Variants in KIDINS220 observed in about 807,000 individuals in gnomAD.
KIDINS220 encodes kinase D-interacting substrate of 220 kDa.
KIDINS220 carries 63 observed loss-of-function variants against 157.6 expected under a neutral mutation model. The ratio of observed to expected loss-of-function variants is 0.40; its 90% confidence interval spans 0.33 to 0.49. The LOEUF (loss-of-function observed/expected upper bound fraction) is 0.49, where lower values mean the gene tolerates loss of function less well. KIDINS220 is among the 20% of genes least tolerant of loss of function. The pLI is 0.66. For missense variants in KIDINS220, 1,772 were observed against 2,171.2 expected, an observed-to-expected ratio of 0.82 and a Z score of 3.65; for synonymous variants, 732 against 783.6, an observed-to-expected ratio of 0.93 and a Z score of 1.10.
At chr2:8,769,196 C>T (rs888901072) in intron 22 of KIDINS220, among the ~76,000 whole-genome samples, 4 of 152,176 alleles carry the variant, frequency 2.6e-5, no homozygotes, top group African/African-American at 9.7e-5. Flanking sequence ...TAGCAAAGTA[C>T]CTGACGTGAA....
In KIDINS220 at chr2:8,729,028, CGCG is replaced by C. The variant is rs1465046988; in HGVS notation, c.*1689_*1691del. On this transcript the variant is annotated 3_prime_UTR_variant, in exon 30 of 30. Transcript: ENST00000256707. ...TAAAGAATGTACTCCAATGATATTA[CGCG>C]GCAACTACTCACCTGAAAAAGAAAA... 3.1e-6 allele frequency: 3 copies of C among 981,704 alleles called. No individual in the cohort carries two copies. The African/African-American group carries it at 5.3e-5, about 17-fold the overall frequency. 60.8% of individuals were successfully genotyped at this position (981,704 alleles called of 1,614,324 possible). A position where few individuals can be genotyped will look rare whatever the true frequency, so the allele number is the denominator to read the frequency against.
In KIDINS220 at chr2:8,733,577, C is replaced by T. The variant is rs2304591; in HGVS notation, c.3920G>A (p.Arg1307His). 250 of 1,613,994 alleles carry T rather than the reference C, an allele frequency of 1.5e-4. 2 individuals carry two copies. In the East Asian group the frequency reaches 5.3e-3, roughly 34 times the overall value. ...GPAPHGEPAR[R>H]ASHNELPHTE... Reference sequence around the variant, plus strand: ...GTGAGGCAGCTCGTTGTGGGAAGCGCGGCGAGCAGGCTCACCGTGCGGGGC... The same window carrying T: ...GTGAGGCAGCTCGTTGTGGGAAGCGTGGCGAGCAGGCTCACCGTGCGGGGC... The change falls in exon 29 of 30, where the codon CGC becomes CAC. Residue 1307 changes from arginine (R) to histidine (H), a missense_variant. Arg to His is a conservative substitution (Grantham distance 29, BLOSUM62 0). Transcript: ENST00000256707.
At chr2:8,728,813 A>G (rs1026104298), downstream of KIDINS220, 3 of 981,256 alleles carry the variant, frequency 3.1e-6, no homozygotes, top group South Asian at 1.4e-4. Context: ...ATGACTGTAC[A>G]TGAACCTGAA....
At chr2:8,793,544 A>C (rs1430542613) in intron 12 of KIDINS220, among the ~76,000 whole-genome samples, 1 of 151,814 alleles carries the variant, frequency 6.6e-6, no homozygotes, top group Non-Finnish European at 1.5e-5. Flanking sequence ...GGCTCAAGAG[A>C]TCCTCCCACC....
chr2:8,735,042 A>G (rs1376924013), intron 27 of KIDINS220, among the ~76,000 whole-genome samples: 2 of 152,186 alleles, frequency 1.3e-5, no homozygotes, highest in African/African-American at 2.4e-5. Flanking sequence ...AGCAACAACA[A>G]AACTGTTAGT....
At chr2:8,757,539 C>T (rs1668165073) in intron 22 of KIDINS220, 2 of 1,459,996 alleles carry the variant, frequency 1.4e-6, no homozygotes, top group African/African-American at 1.4e-5. Context: ...GTTTCAACTA[C>T]CCATTCCGTT....
downstream of KIDINS220, among the ~76,000 whole-genome samples, chr2:8,726,402 C>A (rs1306404025): frequency 6.6e-6 from 1 of 152,196 alleles, no homozygotes; most frequent in Non-Finnish European, 1.5e-5. Context: ...AGGTTTTGAC[C>A]AGGTCGGTGA....
chr2:8,787,461 G>A (rs1343920695), intron 15 of KIDINS220, among the ~76,000 whole-genome samples: 3 of 150,204 alleles, frequency 2.0e-5, no homozygotes, highest in Non-Finnish European at 4.4e-5. Context: ...CTCAACCCCC[G>A]AAGCTTAAGC....
At chr2:8,733,760 A>G in intron 28 of KIDINS220, 80 bp from the exon 29 acceptor site, 1 of 968,908 alleles carries the variant, frequency 1.0e-6, no homozygotes, top group African/African-American at 1.6e-5. Context: ...AATACCAAAC[A>G]TTATAAAGCT....
Position 8,729,644 on chromosome 2 carries a change from G to T in KIDINS220, c.*1076C>A, listed in dbSNP as rs1281916446. 1.0e-6 allele frequency: 1 copy of T among 982,968 alleles called. No homozygotes were observed. Among genetic ancestry groups the T allele is most frequent in the Non-Finnish European group, 1.2e-6 (1 of 827,996 alleles). The allele number at this position is 982,968 out of a possible 1,614,324, so 60.9% of individuals were successfully genotyped here. A position where few individuals can be genotyped will look rare whatever the true frequency, so the allele number is the denominator to read the frequency against. Reference sequence around the variant, plus strand: ...ATGTTTCCAAATTTTTTTTTAAAAAGTATTTCCTTTCTTATGATCCTTCCC... The same window carrying T: ...ATGTTTCCAAATTTTTTTTTAAAAATTATTTCCTTTCTTATGATCCTTCCC... On this transcript the variant is annotated 3_prime_UTR_variant, in exon 30 of 30. Coordinates refer to ENST00000256707, the MANE Select transcript of KIDINS220 (RefSeq NM_020738.4).
chr2:8,802,724 C>T (rs1389478403), intron 8 of KIDINS220, among the ~76,000 whole-genome samples: 1 of 152,176 alleles, frequency 6.6e-6, no homozygotes, highest in Non-Finnish European at 1.5e-5. Flanking sequence ...GTGACATTTT[C>T]AATAACAACA....
rs773852209 is a variant in KIDINS220 at position 8,779,160 on chromosome 2, A to G, written c.2371-21T>C. The stretch of plus-strand genomic sequence containing the variant: ...CGGACCTGTGGCAGAAGAAATGTAC[A>G]GTTGTGACATACATTTTAAATTGTC... On this transcript the variant is annotated intron_variant, in intron 18 of 29. Coordinates refer to ENST00000256707, the MANE Select transcript of KIDINS220 (RefSeq NM_020738.4). 8 of 1,607,790 alleles carry G rather than the reference A, an allele frequency of 5.0e-6. No individual in the cohort carries two copies. The South Asian group carries it at 7.7e-5, about 15-fold the overall frequency.
intron 24 of KIDINS220, 50 bp downstream of exon 24, chr2:8,750,062 G>C: frequency 6.6e-7 from 1 of 1,508,918 alleles, no homozygotes; most frequent in Non-Finnish European, 9.1e-7. Flanking sequence ...GAAAACTGAG[G>C]TTTCCCTGTA....
chr2:8,758,383 A>ACAG (rs1341776681), intron 22 of KIDINS220, among the ~76,000 whole-genome samples: 1 of 152,170 alleles, frequency 6.6e-6, no homozygotes, highest in African/African-American at 2.4e-5. Context: ...ATCCTCAGGA[A>ACAG]CAGATCCTGG....
intron 21 of KIDINS220, among the ~76,000 whole-genome samples, chr2:8,772,189 GA>G (rs1670326423): frequency 6.6e-6 from 1 of 152,138 alleles, no homozygotes; most frequent in African/African-American, 2.4e-5. Flanking sequence ...AAGTATGAGT[GA>G]ATAGGCCAGG....
intron 10 of KIDINS220, among the ~76,000 whole-genome samples, chr2:8,797,433 T>C (rs191308768): frequency 9.7e-4 from 148 of 152,168 alleles, no homozygotes; most frequent in East Asian, 9.6e-4. Context: ...AAGCCACAGG[T>C]AGTCACCCTG....
At position 8,767,246 on chromosome 2, in the gene KIDINS220, T is replaced by C. The variant is rs142872476; in HGVS notation, c.3011+3424A>G. ...AGCAAGTGTGTTTTGAGAATAAAGATGGAAACAATAATTATATAAAAGATA... is the reference window on the plus strand; with the variant it reads ...AGCAAGTGTGTTTTGAGAATAAAGACGGAAACAATAATTATATAAAAGATA... On this transcript the variant is annotated intron_variant, in intron 22 of 29. Transcript: ENST00000256707. 1.4e-4 allele frequency among the ~76,000 whole-genome samples: 22 copies of C among 152,212 alleles called. No individual in the cohort carries two copies. In the East Asian group the frequency reaches 3.5e-3, roughly 24 times the overall value.
intron 17 of KIDINS220, among the ~76,000 whole-genome samples, chr2:8,780,786 TG>T (rs1671610869): frequency 6.6e-6 from 1 of 150,876 alleles, no homozygotes; most frequent in Admixed American, 6.6e-5. Flanking sequence ...AAAGTACAAC[TG>T]ATATGCTAAG....
chr2:8,731,706 C>G lies in KIDINS220; in HGVS notation c.4330G>C (p.Asp1444His). Residue 1444 changes from aspartate (D) to histidine (H), a missense_variant, in exon 30 of 30, where the codon GAT becomes CAT. By Grantham distance (81) the Asp-to-His change is moderately conservative. Transcript: ENST00000256707. This position sits in a 1 kb window ranked among gnomAD's most constrained non-coding sequence, Gnocchi z 5.2. ...EKGKDSEPKPDDGRKSFLMKR... is the reference protein window; with the variant it reads ...EKGKDSEPKPHDGRKSFLMKR... ...ATTAGAAAGGACTTCCTCCCATCAT[C>G]GGGCTTTGGTTCACTATCCTTCCCC... The G allele has an allele frequency of 6.2e-7, 1 of 1,614,210 alleles. No homozygotes were observed. The highest frequency in any genetic ancestry group is 1.3e-5 in the African/African-American group (1 of 75,044).
Sources: gnomAD v4.1 joint callset for allele counts (sites outside exome capture counted in the v4.1 genomes callset) on GRCh38, gnomAD v4.1.1 for gene constraint, Gnocchi (gnomAD v3.1) non-coding constraint, MANE v1.5 for transcripts, NCBI Gene and HGNC (gene_info 2026-07-23, HGNC 2026-07-21) for gene names.